PRR16: variants seen among roughly 807,000 people sequenced by gnomAD.
PRR16 encodes protein Largen.
Under a neutral mutation model 18.2 loss-of-function variants are expected in PRR16, and 6 were observed. The ratio of observed to expected loss-of-function variants is 0.33; its 90% confidence interval spans 0.18 to 0.65. The LOEUF (loss-of-function observed/expected upper bound fraction) is 0.65, where lower values mean the gene tolerates loss of function less well. Ranked by LOEUF, PRR16 falls within the 30% of genes least tolerant of loss-of-function variation. The pLI is 0.74. For synonymous variants in PRR16, 151 were observed against 147.8 expected (o/e 1.02, Z -0.16); for missense variants, 412 against 376.6 (o/e 1.09, Z -0.78).
the PRR16 span, among the ~76,000 whole-genome samples, chr5:120,742,794 A>G: frequency 3.9e-5 from 6 of 152,200 alleles, no homozygotes; most frequent in Admixed American, 2.0e-4. Context: ...ATGGAACTAA[A>G]GTCAAGGTGT....
chr5:120,498,323 A>G (rs1254235496), intron 1 of PRR16, among the ~76,000 whole-genome samples: 2 of 148,952 alleles, frequency 1.3e-5, no homozygotes, highest in Non-Finnish European at 3.0e-5. Flanking sequence ...ATATATATAC[A>G]CATACATATA....
chr5:120,617,121 C>T, intron 1 of PRR16: 1 of 985,334 alleles, frequency 1.0e-6, no homozygotes, highest in Non-Finnish European at 1.2e-6. Flanking sequence ...TCCCACCTCC[C>T]CACATGATGA....
intron 1 of PRR16, among the ~76,000 whole-genome samples, chr5:120,650,314 A>AT (rs915927661): frequency 6.6e-6 from 1 of 150,610 alleles, no homozygotes; most frequent in Non-Finnish European, 1.5e-5. Flanking sequence ...TTATCAAATG[A>AT]TTTTTTTTCT....
the PRR16 span, among the ~76,000 whole-genome samples, chr5:120,754,300 A>G: frequency 3.1e-5 from 3 of 96,574 alleles, no homozygotes; most frequent in African/African-American, 1.3e-4. Flanking sequence ...AATATATAAT[A>G]TATAATATAT....
intron 1 of PRR16, among the ~76,000 whole-genome samples, chr5:120,472,083 A>G (rs533381354): frequency 6.6e-6 from 1 of 152,092 alleles, no homozygotes; most frequent in African/African-American, 2.4e-5. Context: ...GCTGCTTCAG[A>G]TTGGTGTTTG....
Position 120,589,100 on chromosome 5 carries a change from G to T in PRR16, c.160-96854G>T, listed in dbSNP as rs529967094. 2.1e-3 allele frequency among the ~76,000 whole-genome samples: 325 copies of T among 152,010 alleles called. 3 individuals are homozygous for T. The highest frequency in any genetic ancestry group is 7.6e-3 in the African/African-American group (315 of 41,472). On this transcript the variant is annotated intron_variant, in intron 1 of 1. Transcript: ENST00000407149. The stretch of plus-strand genomic sequence containing the variant: ...ATGATAATAAAACCCACTGGATAAG[G>T]TTATTATTATAAGGATTAAATGAGT...
At chr5:120,516,591 T>C (rs957820625) in intron 1 of PRR16, among the ~76,000 whole-genome samples, 5 of 152,024 alleles carry the variant, frequency 3.3e-5, no homozygotes, top group Non-Finnish European at 4.4e-5. Flanking sequence ...TTCTAAAGAA[T>C]ATGAATGCTG....
the PRR16 span, among the ~76,000 whole-genome samples, chr5:120,756,571 T>C: frequency 1.3e-5 from 2 of 152,188 alleles, no homozygotes; most frequent in Admixed American, 1.3e-4. Flanking sequence ...TTTTTTCATG[T>C]TTATTGGTTG....
chr5:120,575,495 T>A (rs911985597), intron 1 of PRR16, among the ~76,000 whole-genome samples: 3 of 152,182 alleles, frequency 2.0e-5, no homozygotes, highest in Admixed American at 2.0e-4. Context: ...ATGCAAAGTT[T>A]ATTCAGCATA....
intron 1 of PRR16, among the ~76,000 whole-genome samples, chr5:120,668,064 T>A (rs1259385200): frequency 6.6e-6 from 1 of 152,160 alleles, no homozygotes; most frequent in East Asian, 1.9e-4. Flanking sequence ...TGTTAAAGTC[T>A]CCCACTATTA....
Position 120,686,822 on chromosome 5 carries a change from C to G in PRR16, c.*113C>G. ...AGCCCAAATATATTAATCCTGCATT[C>G]AGCAAAGTGGCATAAAAATCACCTG... On this transcript the variant is annotated 3_prime_UTR_variant, in exon 2 of 2. Coordinates refer to ENST00000407149, the MANE Select transcript of PRR16 (RefSeq NM_001300783.2). 1.1e-6 allele frequency: 1 copy of G among 879,394 alleles called. No homozygotes were observed. Among genetic ancestry groups the G allele is most frequent in the Non-Finnish European group, 1.6e-6 (1 of 638,282 alleles). The allele number at this position is 879,394 out of a possible 1,614,324, so 54.5% of individuals were successfully genotyped here.
chr5:120,681,014 G>C (rs1199377251), intron 1 of PRR16, among the ~76,000 whole-genome samples: 1 of 152,094 alleles, frequency 6.6e-6, no homozygotes, highest in Non-Finnish European at 1.5e-5. Flanking sequence ...GGCTGCATCA[G>C]GTTGCATCTG....
the PRR16 span, among the ~76,000 whole-genome samples, chr5:120,732,933 T>C: frequency 6.6e-6 from 1 of 152,174 alleles, no homozygotes; most frequent in African/African-American, 2.4e-5. Context: ...GACATGTCTG[T>C]TAGCTCAATT....
chr5:120,687,942 C>T (rs765954539), downstream of PRR16, among the ~76,000 whole-genome samples: 1 of 152,168 alleles, frequency 6.6e-6, no homozygotes, highest in Non-Finnish European at 1.5e-5. Context: ...ATGAGTTTCT[C>T]TCCCCTAGAG....
chr5:120,611,606 G>A (rs1034400122), intron 1 of PRR16, among the ~76,000 whole-genome samples: 12 of 152,234 alleles, frequency 7.9e-5, no homozygotes, highest in Non-Finnish European at 1.3e-4. Context: ...CAGCTTCCAT[G>A]TGGTGTTGAG....
intron 1 of PRR16, among the ~76,000 whole-genome samples, chr5:120,466,003 T>A (rs747623817): frequency 3.3e-5 from 5 of 152,168 alleles, no homozygotes; most frequent in Non-Finnish European, 5.9e-5. Flanking sequence ...TCTGTTAAAA[T>A]GGGCCATTCG....
intron 1 of PRR16, among the ~76,000 whole-genome samples, chr5:120,561,602 A>G (rs994548570): frequency 3.7e-4 from 57 of 152,108 alleles, no homozygotes; most frequent in African/African-American, 1.4e-3. Context: ...GCCTTTGGAT[A>G]AAATGTTATG....
At chr5:120,603,299 T>C (rs539259079) in intron 1 of PRR16, among the ~76,000 whole-genome samples, 1 of 152,256 alleles carries the variant, frequency 6.6e-6, no homozygotes, top group East Asian at 1.9e-4. Context: ...GAAGGTTGTA[T>C]GTTTATAGAA....
At chr5:120,499,931 T>C (rs1456897193) in intron 1 of PRR16, among the ~76,000 whole-genome samples, 1 of 152,172 alleles carries the variant, frequency 6.6e-6, no homozygotes, top group Non-Finnish European at 1.5e-5. Context: ...CCCAACACTC[T>C]TCTGTTAACA....
Sources: allele counts gnomAD v4.1 joint callset (sites outside exome capture counted in the v4.1 genomes callset), GRCh38; gene constraint gnomAD v4.1.1; transcripts MANE v1.5; gene names NCBI Gene and HGNC (gene_info 2026-07-23, HGNC 2026-07-21).